The following KAZN variants were observed in gnomAD, a reference collection of about 807,000 sequenced individuals.
KAZN encodes the protein kazrin.
Under a neutral mutation model 87.4 loss-of-function variants are expected in KAZN, and 40 were observed. The observed-to-expected ratio is 0.46, with a 90% CI of 0.36 to 0.60. The LOEUF (loss-of-function observed/expected upper bound fraction) is 0.60, where lower values mean the gene tolerates loss of function less well. Ranked by LOEUF, KAZN falls within the 20% of genes least tolerant of loss-of-function variation. The pLI, the probability that KAZN is intolerant of heterozygous loss-of-function variation, is 0.00. For synonymous variants in KAZN, 466 were observed against 458.3 expected (o/e 1.02, Z -0.22); for missense variants, 898 against 1,073.9 (o/e 0.84, Z 2.29).
chr1:15,112,457 T>C lies in KAZN; in HGVS notation c.2079T>C (p.Phe693=). The change falls in exon 14 of 15, where the codon TTT becomes TTC. Residue 693 remains phenylalanine, a synonymous_variant. Transcript: ENST00000376030. ...NSTGIREAER[F]GTPPGRASSV... is the part of the protein sequence containing the mutation. ...CAGGCATCCGGGAGGCTGAGCGTTTTGGAACGCCCCCTGGCAGGGCCTCCA... is the reference window on the plus strand; with the variant it reads ...CAGGCATCCGGGAGGCTGAGCGTTTCGGAACGCCCCCTGGCAGGGCCTCCA... 1 of 1,606,230 alleles carries C rather than the reference T, an allele frequency of 6.2e-7. No homozygotes were observed. The highest frequency in any genetic ancestry group is 1.7e-4 in the Middle Eastern group (1 of 6,030).
chr1:14,322,500 C>T (rs1656116177), intron 2 of KAZN, among the ~76,000 whole-genome samples: 1 of 152,146 alleles, frequency 6.6e-6, no homozygotes, highest in Non-Finnish European at 1.5e-5. Context: ...GTTTCATCCT[C>T]TTCTAATCCA....
intron 2 of KAZN, among the ~76,000 whole-genome samples, chr1:14,580,981 G>A (rs1358336530): frequency 6.6e-6 from 1 of 151,942 alleles, no homozygotes. Flanking sequence ...GTCTCCTTAT[G>A]ACCTTGACCT....
At chr1:14,489,351 A>G (rs944567101) in intron 2 of KAZN, among the ~76,000 whole-genome samples, 1 of 152,200 alleles carries the variant, frequency 6.6e-6, no homozygotes, top group Non-Finnish European at 1.5e-5. Flanking sequence ...AAATCGGGAT[A>G]AAATTATATA....
chr1:14,197,415 A>G (rs147693342), intron 2 of KAZN, among the ~76,000 whole-genome samples: 6,607 of 150,212 alleles, frequency 0.044, 209 homozygotes, highest in Non-Finnish European at 0.068. Flanking sequence ...AAGGCCAGTC[A>G]AGGTGGTACA....
chr1:14,419,308 G>A (rs533081137), intron 2 of KAZN, among the ~76,000 whole-genome samples: 7 of 152,182 alleles, frequency 4.6e-5, no homozygotes, highest in Admixed American at 3.3e-4. Context: ...AAGAAAGGCC[G>A]GGTCTGACCC....
intron 2 of KAZN, among the ~76,000 whole-genome samples, chr1:14,505,293 C>T (rs1208600019): frequency 6.6e-6 from 1 of 152,110 alleles, no homozygotes; most frequent in African/African-American, 2.4e-5. Flanking sequence ...GAACATGGTT[C>T]CGCCCCTTCT....
chr1:14,102,235 C>T (rs1644272633), intron 1 of KAZN, among the ~76,000 whole-genome samples: 2 of 146,718 alleles, frequency 1.4e-5, no homozygotes, highest in South Asian at 4.8e-4. Flanking sequence ...CACAGGGTCT[C>T]CAGTGCTGAG....
intron 2 of KAZN, among the ~76,000 whole-genome samples, chr1:14,548,055 T>C (rs1159976450): frequency 6.7e-6 from 1 of 150,292 alleles, no homozygotes; most frequent in African/African-American, 2.4e-5. Flanking sequence ...AAAAAAAAAT[T>C]GCAAATTGCA....
Position 15,094,292 on chromosome 1 carries a change from C to T in KAZN, c.1335C>T (p.His445=), listed in dbSNP as rs772535051. The T allele has an allele frequency of 1.9e-6, 3 of 1,613,898 alleles. No homozygotes were observed. The African/African-American group carries it at 4.0e-5, about 22-fold the overall frequency. The change falls in exon 9 of 15, where the codon CAC becomes CAT. Residue 445 remains histidine (H), a synonymous_variant. Coordinates refer to ENST00000376030, the MANE Select transcript of KAZN (RefSeq NM_201628.3). This position sits in a 1 kb window ranked among gnomAD's most constrained non-coding sequence, Gnocchi z 4.5. ...TGGTGAGGACCACCCCTATGTCCCA[C>T]TGGAAGGCGGGCACCGTCCAGGCCT... ...VELVRTTPMS[H]WKAGTVQAWL...
At chr1:14,931,449 T>TAA (rs140516931) in intron 1 of KAZN, among the ~76,000 whole-genome samples, 17 of 150,872 alleles carry the variant, frequency 1.1e-4, no homozygotes, top group East Asian at 9.8e-4. Flanking sequence ...ACTCTGTCTT[T>TAA]AAAAAAAAAG....
chr1:14,315,379 A>G (rs1185403307), intron 2 of KAZN, among the ~76,000 whole-genome samples: 1 of 152,302 alleles, frequency 6.6e-6, no homozygotes, highest in East Asian at 1.9e-4. Flanking sequence ...TTGCTCTTTC[A>G]ATAAGTAATA....
At chr1:14,575,824 C>T (rs12118610) in intron 2 of KAZN, among the ~76,000 whole-genome samples, 27,194 of 152,114 alleles carry the variant, frequency 0.18, 2,564 homozygotes, top group East Asian at 0.31. Context: ...TATGACCTGT[C>T]TTTCTGCTAG....
At chr1:14,534,471 C>T (rs1419711404) in intron 2 of KAZN, among the ~76,000 whole-genome samples, 1 of 152,070 alleles carries the variant, frequency 6.6e-6, no homozygotes, top group Non-Finnish European at 1.5e-5. Context: ...ATGGCGAAAC[C>T]CCATCTCTAC....
Position 14,009,756 on chromosome 1 carries a change from C to T in KAZN, c.91+116000C>T, listed in dbSNP as rs191794265. 2.6e-5 allele frequency among the ~76,000 whole-genome samples: 4 copies of T among 152,332 alleles called. No individual in the cohort carries two copies. In the East Asian group the frequency reaches 7.7e-4, roughly 29 times the overall value. Reference sequence around the variant, plus strand: ...ATTTACTGTGGGACAGAGAATACAACATAAGCATTATGTCTTCTGCCCTGG... The same window carrying T: ...ATTTACTGTGGGACAGAGAATACAATATAAGCATTATGTCTTCTGCCCTGG... On this transcript the variant is annotated intron_variant, in intron 1 of 16. Transcript: ENST00000636203.
chr1:15,023,750 GT>G (rs1670908873), intron 2 of KAZN, among the ~76,000 whole-genome samples: 1 of 150,908 alleles, frequency 6.6e-6, no homozygotes, highest in African/African-American at 2.4e-5. Context: ...AGACTACCGT[GT>G]GACCCAGATA....
chr1:13,901,147 C>G (rs1202427706), intron 1 of KAZN, among the ~76,000 whole-genome samples: 1 of 152,128 alleles, frequency 6.6e-6, no homozygotes, highest in Non-Finnish European at 1.5e-5. Context: ...ACCCCCCGTC[C>G]CCTCCAATCA....
In KAZN at chr1:14,227,112, T is replaced by C. The variant is rs1274141808; in HGVS notation, c.249+46520T>C. ...AGAAACAATGAAGTAGCCACAGATT[T>C]ATTTGCACCTATATGTAGAATCTTT... On this transcript the variant is annotated intron_variant, in intron 2 of 16. Transcript: ENST00000636203. 2.1e-5 allele frequency among the ~76,000 whole-genome samples: 3 copies of C among 143,308 alleles called. No individual in the cohort carries two copies. In the East Asian group the frequency reaches 6.7e-4, roughly 32 times the overall value. 94.0% of individuals were successfully genotyped at this position (143,308 alleles called of 152,430 possible). A position where few individuals can be genotyped will look rare whatever the true frequency, so the allele number is the denominator to read the frequency against.
chr1:13,963,030 G>A (rs1320265266), intron 1 of KAZN, among the ~76,000 whole-genome samples: 1 of 152,142 alleles, frequency 6.6e-6, no homozygotes, highest in African/African-American at 2.4e-5. Flanking sequence ...AGTTTGTAGG[G>A]ACTTGTGTAT....
At position 14,481,976 on chromosome 1, in the gene KAZN, C is replaced by A. The variant is rs58331123; in HGVS notation, c.250-117007C>A. On this transcript the variant is annotated intron_variant, in intron 2 of 16. Coordinates refer to the KAZN transcript ENST00000636203. Reference sequence around the variant, plus strand: ...CAGGCAGATGGGCCCAAGACAGACCCGTGGCTTTCCACAGCTCAGAGTGGC... The same window carrying A: ...CAGGCAGATGGGCCCAAGACAGACCAGTGGCTTTCCACAGCTCAGAGTGGC... Among the ~76,000 whole-genome samples, 4 of 152,280 alleles carry A rather than the reference C, an allele frequency of 2.6e-5. No individual in the cohort carries two copies. In the South Asian group the frequency reaches 6.2e-4, roughly 24 times the overall value.
Sources: allele counts gnomAD v4.1 joint callset (sites outside exome capture counted in the v4.1 genomes callset), GRCh38; gene constraint gnomAD v4.1.1; non-coding constraint Gnocchi (gnomAD v3.1); transcripts MANE v1.5; gene names NCBI Gene and HGNC (gene_info 2026-07-23, HGNC 2026-07-21).